The following DTWD2 variants were observed in gnomAD, a reference collection of about 807,000 sequenced individuals.
DTWD2 encodes tRNA-uridine aminocarboxypropyltransferase 2.
DTWD2 carries 39 observed loss-of-function variants against 31.8 expected under a neutral mutation model. That is an observed-to-expected ratio of 1.22 (90% CI 0.95 to 1.60). The LOEUF is 1.60. Ranked by LOEUF, DTWD2 falls within the 40% of genes most tolerant of loss-of-function variation. The pLI is 0.00. For missense variants in DTWD2, 515 were observed against 381.5 expected (o/e 1.35, Z -2.92); for synonymous variants, 180 against 142.8 (o/e 1.26, Z -1.86).
At chr5:118,852,374 C>A (rs1025272261) in intron 4 of DTWD2, among the ~76,000 whole-genome samples, 1 of 152,076 alleles carries the variant, frequency 6.6e-6, no homozygotes, top group African/African-American at 2.4e-5. Context: ...TAAAGTAAGA[C>A]AGGTGTAAGA....
chr5:118,931,385 C>T (rs187028920), intron 3 of DTWD2, among the ~76,000 whole-genome samples: 23 of 132,874 alleles, frequency 1.7e-4, no homozygotes, highest in East Asian at 1.0e-3. Context: ...AGCAACAGAA[C>T]GAGACCTTGT....
At chr5:118,970,145 G>A (rs1754951622) in intron 1 of DTWD2, among the ~76,000 whole-genome samples, 1 of 152,234 alleles carries the variant, frequency 6.6e-6, no homozygotes, top group Non-Finnish European at 1.5e-5. Context: ...AAAAGAATGA[G>A]ACTGAGCACA....
chr5:118,950,170 G>A lies in DTWD2; in HGVS notation c.219-5521C>T, dbSNP rs531523595. Among the ~76,000 whole-genome samples, 211 of 130,964 alleles carry A rather than the reference G, an allele frequency of 1.6e-3. 1 individual carries two copies. The highest frequency in any genetic ancestry group is 5.9e-3 in the African/African-American group (195 of 33,042). 85.9% of individuals were successfully genotyped at this position (130,964 alleles called of 152,430 possible). A position where few individuals can be genotyped will look rare whatever the true frequency, so the allele number is the denominator to read the frequency against. ...GCTTGTATTATTGAGCCGAGATCAC[G>A]CCACTGCACTCCAGCCTCGGTGACA... On this transcript the variant is annotated intron_variant, in intron 1 of 5. Transcript: ENST00000510708.
chr5:118,892,467 T>C (rs1216884945), intron 4 of DTWD2, among the ~76,000 whole-genome samples: 1 of 152,112 alleles, frequency 6.6e-6, no homozygotes, highest in African/African-American at 2.4e-5. Context: ...ATGACAGAAA[T>C]TGTTCTACAT....
chr5:118,965,735 G>A (rs299199), intron 1 of DTWD2, among the ~76,000 whole-genome samples: 73,423 of 151,784 alleles, frequency 0.48, 19,171 homozygotes, highest in East Asian at 0.94. Context: ...ATGCCTGAAG[G>A]CAGCATGCTC....
At chr5:118,913,537 T>G (rs1033299069) in intron 4 of DTWD2, among the ~76,000 whole-genome samples, 2 of 151,170 alleles carry the variant, frequency 1.3e-5, no homozygotes, top group African/African-American at 4.9e-5. Context: ...TAAGTAAGAA[T>G]TATATACAAA....
intron 4 of DTWD2, among the ~76,000 whole-genome samples, chr5:118,862,038 T>C (rs756784141): frequency 1.3e-5 from 2 of 152,138 alleles, no homozygotes; most frequent in Non-Finnish European, 2.9e-5. Flanking sequence ...AGCAGGTGGG[T>C]GAGCAGGCAT....
intron 4 of DTWD2, among the ~76,000 whole-genome samples, chr5:118,913,997 G>C (rs566828040): frequency 6.6e-6 from 1 of 151,928 alleles, no homozygotes; most frequent in Non-Finnish European, 1.5e-5. Context: ...AAATTAATAT[G>C]TATTAATGCA....
intron 4 of DTWD2, among the ~76,000 whole-genome samples, chr5:118,868,117 T>C (rs1326594546): frequency 6.6e-6 from 1 of 152,034 alleles, no homozygotes; most frequent in Non-Finnish European, 1.5e-5. Context: ...TCTGGCATAA[T>C]GGTAAAATGA....
chr5:118,886,913 T>G (rs925152290), intron 4 of DTWD2, among the ~76,000 whole-genome samples: 3 of 152,142 alleles, frequency 2.0e-5, no homozygotes, highest in Admixed American at 6.5e-5. Flanking sequence ...TCCAATAATT[T>G]TATAAGGGTA....
chr5:118,849,077 A>T (rs1310629621), intron 4 of DTWD2, among the ~76,000 whole-genome samples: 3 of 152,238 alleles, frequency 2.0e-5, no homozygotes, highest in Non-Finnish European at 2.9e-5. Context: ...CTATCATCAG[A>T]GTGAACAGGC....
intron 4 of DTWD2, among the ~76,000 whole-genome samples, chr5:118,856,302 CAGGT>C (rs1752132755): frequency 6.6e-6 from 1 of 152,120 alleles, no homozygotes; most frequent in African/African-American, 2.4e-5. Context: ...ACTGTTATCT[CAGGT>C]ATTCATCCAT....
chr5:118,986,094 T>C (rs1755421146), intron 1 of DTWD2, among the ~76,000 whole-genome samples: 1 of 152,190 alleles, frequency 6.6e-6, no homozygotes, highest in African/African-American at 2.4e-5. Flanking sequence ...AAATCTTTTG[T>C]GCACCTACCA....
chr5:118,939,143 T>G, intron 3 of DTWD2, 53 bp downstream of exon 3: 1 of 1,516,482 alleles, frequency 6.6e-7, no homozygotes, highest in Non-Finnish European at 8.9e-7. Context: ...GAAACCATTT[T>G]TTAAGATCTG....
At chr5:118,887,811 T>A (rs1752899486) in intron 4 of DTWD2, among the ~76,000 whole-genome samples, 1 of 152,176 alleles carries the variant, frequency 6.6e-6, no homozygotes, top group Non-Finnish European at 1.5e-5. Flanking sequence ...TTGGTTTGGT[T>A]TGGTTTTTTA....
chr5:118,879,916 CT>C (rs1169647640), intron 4 of DTWD2, among the ~76,000 whole-genome samples: 1 of 152,052 alleles, frequency 6.6e-6, no homozygotes, highest in African/African-American at 2.4e-5. Flanking sequence ...ACACATTTAC[CT>C]TTGTAACAAA....
chr5:118,861,545 A>G (rs925848065), intron 4 of DTWD2, among the ~76,000 whole-genome samples: 5 of 152,150 alleles, frequency 3.3e-5, no homozygotes, highest in African/African-American at 1.2e-4. Flanking sequence ...TTGGCTGATA[A>G]CCCAAATACA....
chr5:118,976,770 G>C (rs1205745708), intron 1 of DTWD2, among the ~76,000 whole-genome samples: 1 of 152,138 alleles, frequency 6.6e-6, no homozygotes, highest in Admixed American at 6.5e-5. Context: ...AAGAGGAGCT[G>C]GTACCATTCC....
rs1751950438 is a variant in DTWD2, at chr5:118,849,626, CA to C, written c.598-1409del. On this transcript the variant is annotated intron_variant, in intron 4 of 5. Transcript: ENST00000510708. ...CAATAGCAAAGACTTGAAACCAACC[CA>C]AATGCCTATCAATGACAGACTGGAT... is the stretch of plus-strand genomic sequence containing the variant. 2.0e-5 allele frequency among the ~76,000 whole-genome samples: 3 copies of C among 152,270 alleles called. No homozygotes were observed. In the South Asian group the frequency reaches 6.2e-4, roughly 32 times the overall value.
Sources: gnomAD v4.1 joint callset for allele counts (sites outside exome capture counted in the v4.1 genomes callset) on GRCh38, gnomAD v4.1.1 for gene constraint, MANE v1.5 for transcripts, NCBI Gene and HGNC (gene_info 2026-07-23, HGNC 2026-07-21) for gene names.